The following PRKCZ variants were observed in gnomAD, a reference collection of about 807,000 sequenced individuals.
PRKCZ encodes the protein protein kinase C zeta, also known as protein kinase C zeta type.
In PRKCZ, 33 loss-of-function variants were observed where a neutral mutation model predicts 79.5. That is an observed-to-expected ratio of 0.41 (90% CI 0.31 to 0.55). The LOEUF is 0.55. PRKCZ is among the 20% of genes least tolerant of loss of function. The probability of loss-of-function intolerance (pLI) is 0.19; values close to 1 mark genes in which losing one functional copy is unlikely to be tolerated. For missense variants in PRKCZ, 578 were observed against 813.5 expected (o/e 0.71, Z 3.52); for synonymous variants, 342 against 320.9 (o/e 1.07, Z -0.70).
intron 4 of PRKCZ, among the ~76,000 whole-genome samples, chr1:2,060,883 C>T (rs1385627479): frequency 1.3e-5 from 2 of 152,222 alleles, no homozygotes; most frequent in Non-Finnish European, 2.9e-5. Flanking sequence ...ACCTACGCAG[C>T]TGCCCTGGTG....
chr1:2,050,757 G>A, intron 1 of PRKCZ, 56 bp downstream of exon 1: 3 of 641,324 alleles, frequency 4.7e-6, no homozygotes, highest in Non-Finnish European at 2.2e-6. Context: ...GGCGGGGAGG[G>A]CTCAGCCGTC....
At chr1:2,050,263 C>T (rs1404601828), upstream of PRKCZ, among the ~76,000 whole-genome samples, 2 of 151,780 alleles carry the variant, frequency 1.3e-5, no homozygotes, top group Non-Finnish European at 2.9e-5. Flanking sequence ...GCCCCGCCCG[C>T]GCCTCGCCAT....
At chr1:2,143,959 G>T (rs908620137) in intron 5 of PRKCZ, 11 of 459,188 alleles carry the variant, frequency 2.4e-5, no homozygotes, top group Non-Finnish European at 1.2e-5. Context: ...CACCTCCCCT[G>T]TGTCCCCTCA....
rs1344033881 is a variant in PRKCZ, at chr1:2,082,477, G to A, written c.334+22886G>A. Reference sequence around the variant, plus strand: ...TTTCATTCTGTGAGTGTAAGATCACGTCCGCGTTCCTAGCGACCGGTTTTG... The same window carrying A: ...TTTCATTCTGTGAGTGTAAGATCACATCCGCGTTCCTAGCGACCGGTTTTG... On this transcript the variant is annotated intron_variant, in intron 4 of 17. Transcript: ENST00000378567. The surrounding 1 kb of genome is among the most constrained non-coding windows in gnomAD (Gnocchi z 4.4). 6.6e-6 allele frequency: 3 copies of A among 452,628 alleles called. No individual in the cohort carries two copies. The highest frequency in any genetic ancestry group is 2.4e-5 in the Admixed American group (1 of 42,102). 28.0% of individuals were successfully genotyped at this position (452,628 alleles called of 1,614,324 possible). A position where few individuals can be genotyped will look rare whatever the true frequency, so the allele number is the denominator to read the frequency against.
In PRKCZ at chr1:2,172,227, A is replaced by G. The variant is rs1373805427; in HGVS notation, c.1197+37A>G. 2 of 1,613,352 alleles carry G rather than the reference A, an allele frequency of 1.2e-6. No homozygotes were observed. Among genetic ancestry groups the G allele is most frequent in the East Asian group, 4.5e-5 (2 of 44,862 alleles). On this transcript the variant is annotated intron_variant, in intron 12 of 17. Coordinates refer to ENST00000378567, the MANE Select transcript of PRKCZ (RefSeq NM_002744.6). The surrounding 1 kb of genome is among the most constrained non-coding windows in gnomAD (Gnocchi z 7.8). ...GGACCGCCTCCCCTGACCATCCCGCATGTGCGTCTCGGGGCGCCTGTCCCG... is the reference window on the plus strand; with the variant it reads ...GGACCGCCTCCCCTGACCATCCCGCGTGTGCGTCTCGGGGCGCCTGTCCCG...
At chr1:2,112,480 C>T (rs1488778076) in intron 4 of PRKCZ, among the ~76,000 whole-genome samples, 1 of 152,212 alleles carries the variant, frequency 6.6e-6, no homozygotes, top group Non-Finnish European at 1.5e-5. Context: ...ACCCCTCAGT[C>T]CAACCCAGAG....
chr1:2,143,856 T>C, intron 5 of PRKCZ: 1 of 211,850 alleles, frequency 4.7e-6, no homozygotes, highest in Non-Finnish European at 9.7e-6. Context: ...CCCAGGCTGC[T>C]CTACGCAGAG....
intron 4 of PRKCZ, among the ~76,000 whole-genome samples, chr1:2,089,191 C>T (rs1451727638): frequency 1.3e-5 from 2 of 151,342 alleles, no homozygotes; most frequent in Non-Finnish European, 2.9e-5. Flanking sequence ...TCCCTGTTCG[C>T]GAGGTCCCTG....
At chr1:2,049,642 G>C (rs974284684), upstream of PRKCZ, 2 of 152,466 alleles carry the variant, frequency 1.3e-5, no homozygotes, top group East Asian at 3.8e-4. Context: ...CTGGGCTTCA[G>C]TGGATGCAGC....
In PRKCZ at chr1:2,172,962, G is replaced by A. The variant is rs111679085; in HGVS notation, c.1285+574G>A. Among the ~76,000 whole-genome samples the A allele has an allele frequency of 6.6e-5, 10 of 150,724 alleles. No individual in the cohort carries two copies. The highest frequency in any genetic ancestry group is 2.1e-4 in the South Asian group (1 of 4,744). On this transcript the variant is annotated intron_variant, in intron 13 of 17. Transcript: ENST00000378567. The surrounding 1 kb of genome is among the most constrained non-coding windows in gnomAD (Gnocchi z 7.8). ...GGGATGTGGGCACGCGTGTGCAGCC[G>A]TGTGTGCGTGTGTGAAACGGGGACG...
At chr1:2,158,744 C>T (rs1463338910) in intron 10 of PRKCZ, among the ~76,000 whole-genome samples, 1 of 152,198 alleles carries the variant, frequency 6.6e-6, no homozygotes, top group African/African-American at 2.4e-5. Context: ...AAGCTCAGCC[C>T]CTTCTGCACT....
At chr1:2,102,370 C>T (rs556841643) in intron 4 of PRKCZ, among the ~76,000 whole-genome samples, 144 of 151,366 alleles carry the variant, frequency 9.5e-4, no homozygotes, top group African/African-American at 3.3e-3. Flanking sequence ...TCTCACTGTG[C>T]TGCCCAGGCT....
chr1:2,081,737 T>C (rs924420919), intron 4 of PRKCZ, among the ~76,000 whole-genome samples: 2 of 152,176 alleles, frequency 1.3e-5, no homozygotes, highest in African/African-American at 4.8e-5. Context: ...GCCCAGGCTC[T>C]GCATGGGGCT....
chr1:2,105,894 G>A (rs1668314788), intron 4 of PRKCZ, among the ~76,000 whole-genome samples: 1 of 152,124 alleles, frequency 6.6e-6, no homozygotes, highest in African/African-American at 2.4e-5. Context: ...CAGGTGGGAG[G>A]GGCTGCCCAC....
At chr1:2,158,188 G>A (rs1681483758) in intron 10 of PRKCZ, among the ~76,000 whole-genome samples, 1 of 152,220 alleles carries the variant, frequency 6.6e-6, no homozygotes, top group Non-Finnish European at 1.5e-5. Flanking sequence ...TCCTAAGTGT[G>A]TTTCAGGGTC....
chr1:2,076,554 CA>C (rs2102344987), intron 4 of PRKCZ, among the ~76,000 whole-genome samples: 2 of 152,196 alleles, frequency 1.3e-5, no homozygotes, highest in Non-Finnish European at 2.9e-5. Flanking sequence ...CCAGCCTGGC[CA>C]ACATGGAGAA....
chr1:2,175,836 C>G (rs918605417), intron 16 of PRKCZ, among the ~76,000 whole-genome samples: 8 of 152,164 alleles, frequency 5.3e-5, no homozygotes, highest in African/African-American at 9.7e-5. Context: ...TGGCAACCCT[C>G]GACTGTGCTG....
At chr1:2,146,387 C>T (rs1231047006) in intron 7 of PRKCZ, among the ~76,000 whole-genome samples, 2 of 152,242 alleles carry the variant, frequency 1.3e-5, no homozygotes. Flanking sequence ...TGCAGAGCCT[C>T]TTCCTCTAAC....
At chr1:2,182,193 G>T (rs995264512) in intron 16 of PRKCZ, 4 of 223,306 alleles carry the variant, frequency 1.8e-5, no homozygotes, top group African/African-American at 9.3e-5. Context: ...TCCGTTCCCA[G>T]TTTGGCTTTT....
Sources: allele counts gnomAD v4.1 joint callset (sites outside exome capture counted in the v4.1 genomes callset), GRCh38; gene constraint gnomAD v4.1.1; non-coding constraint Gnocchi (gnomAD v3.1); transcripts MANE v1.5; gene names NCBI Gene and HGNC (gene_info 2026-07-23, HGNC 2026-07-21).